Variants in PRKN observed in about 807,000 individuals in gnomAD.
PRKN encodes parkin RBR E3 ubiquitin protein ligase.
In PRKN, 56 loss-of-function variants were observed where a neutral mutation model predicts 59.5. The observed-to-expected ratio is 0.94, with a 90% CI of 0.76 to 1.18. The LOEUF is 1.18. Among genes scored for constraint, PRKN ranks in the 50% most tolerant of loss-of-function variants. The pLI is 0.00. For missense variants in PRKN, 657 were observed against 596.4 expected (o/e 1.10, Z -1.06); for synonymous variants, 250 against 222.1 (o/e 1.13, Z -1.12).
At chr6:161,961,514 T>G (rs1025113660) in intron 6 of PRKN, among the ~76,000 whole-genome samples, 1 of 152,192 alleles carries the variant, frequency 6.6e-6, no homozygotes, top group Non-Finnish European at 1.5e-5. Flanking sequence ...TGGGGAAAAC[T>G]TAGCCTAAAG....
chr6:162,292,189 C>G lies in PRKN; in HGVS notation c.172-29424G>C, dbSNP rs191560970. On this transcript the variant is annotated intron_variant, in intron 2 of 11. Transcript: ENST00000366898. ...ACATTGACCAGGCTAGTCTCCAACT[C>G]CTGACCTCAGGTGATCTGCCCACCT... Among the ~76,000 whole-genome samples the G allele has an allele frequency of 2.6e-5, 4 of 152,164 alleles. No homozygotes were observed. In the East Asian group the frequency reaches 7.8e-4, roughly 30 times the overall value.
At chr6:162,068,080 T>C (rs1217242854) in intron 4 of PRKN, among the ~76,000 whole-genome samples, 1 of 152,176 alleles carries the variant, frequency 6.6e-6, no homozygotes. Flanking sequence ...AGTAACTACA[T>C]TTACTAATTA....
At chr6:162,007,104 A>AT (rs1182395482) in intron 5 of PRKN, among the ~76,000 whole-genome samples, 2 of 152,320 alleles carry the variant, frequency 1.3e-5, no homozygotes, top group Admixed American at 1.3e-4. Context: ...GAAAATGAGC[A>AT]TTTAAAAAAA....
chr6:161,771,022 C>T (rs796282832), intron 7 of PRKN, among the ~76,000 whole-genome samples: 12 of 152,152 alleles, frequency 7.9e-5, no homozygotes, highest in African/African-American at 2.2e-4. Context: ...TTAAGCCACC[C>T]GGGCTGCGGT....
intron 5 of PRKN, among the ~76,000 whole-genome samples, 165 bp from the exon 6 acceptor site, chr6:161,973,582 G>A (rs1052228280): frequency 6.6e-6 from 1 of 152,182 alleles, no homozygotes; most frequent in Admixed American, 6.5e-5. Context: ...GGATGACCTT[G>A]TGCCAAAGTG....
chr6:162,536,303 G>A (rs959005994), intron 1 of PRKN, among the ~76,000 whole-genome samples: 2 of 152,080 alleles, frequency 1.3e-5, no homozygotes, highest in African/African-American at 2.4e-5. Flanking sequence ...AGCAGAAGGT[G>A]TTATTTTCTA....
chr6:161,848,139 G>T (rs1332291000), intron 6 of PRKN, among the ~76,000 whole-genome samples: 1 of 152,182 alleles, frequency 6.6e-6, no homozygotes, highest in East Asian at 1.9e-4. Flanking sequence ...ATTAGCATTT[G>T]TGAAAGTCAA....
rs1785472647 is a variant in PRKN, at chr6:161,372,300, G to C, written c.1168-12095C>G. On this transcript the variant is annotated intron_variant, in intron 10 of 11. Coordinates refer to ENST00000366898, the MANE Select transcript of PRKN (RefSeq NM_004562.3). This position sits in a 1 kb window ranked among gnomAD's most constrained non-coding sequence, Gnocchi z 4.2. ...ATTCTCTAGTTTTTGGTTGGCTTAG[G>C]TCAGCAGTGACCAAAATTATCCACA... Among the ~76,000 whole-genome samples the C allele has an allele frequency of 1.3e-5, 2 of 152,306 alleles. No individual in the cohort carries two copies. The highest frequency in any genetic ancestry group is 1.9e-4 in the East Asian group (1 of 5,190).
At chr6:162,331,826 G>C (rs1783590960) in intron 2 of PRKN, among the ~76,000 whole-genome samples, 1 of 152,026 alleles carries the variant, frequency 6.6e-6, no homozygotes, top group Non-Finnish European at 1.5e-5. Flanking sequence ...GTAGCGGTGG[G>C]GTTATTGTCT....
At chr6:161,796,233 C>A (rs1042247966) in intron 6 of PRKN, among the ~76,000 whole-genome samples, 2 of 152,148 alleles carry the variant, frequency 1.3e-5, no homozygotes, top group Non-Finnish European at 2.9e-5. Flanking sequence ...TATTGCATTT[C>A]TAAATATAAT....
chr6:161,816,649 C>A (rs985555923), intron 6 of PRKN, among the ~76,000 whole-genome samples: 24 of 151,878 alleles, frequency 1.6e-4, no homozygotes, highest in Admixed American at 5.3e-4. Context: ...TGTGTTCACA[C>A]CCCAGGAGTT....
intron 1 of PRKN, among the ~76,000 whole-genome samples, chr6:162,507,032 G>A (rs1793641870): frequency 6.6e-6 from 1 of 152,094 alleles, no homozygotes; most frequent in Non-Finnish European, 1.5e-5. Context: ...AAAAGACCTG[G>A]GTTCTTCTGA....
chr6:162,340,703 T>G (rs1197239699), intron 2 of PRKN, among the ~76,000 whole-genome samples: 1 of 152,100 alleles, frequency 6.6e-6, no homozygotes, highest in South Asian at 2.1e-4. Flanking sequence ...TAATAAACGG[T>G]GTTGGGAAAA....
At chr6:161,585,933 G>A (rs1350993831) in intron 7 of PRKN, among the ~76,000 whole-genome samples, 1 of 152,080 alleles carries the variant, frequency 6.6e-6, no homozygotes, top group Non-Finnish European at 1.5e-5. Flanking sequence ...TTAAGATCAT[G>A]TTCTCAGTCT....
intron 7 of PRKN, among the ~76,000 whole-genome samples, chr6:161,721,628 G>C (rs535696407): frequency 6.6e-6 from 1 of 152,126 alleles, no homozygotes; most frequent in South Asian, 2.1e-4. Context: ...GGATTTTATG[G>C]ACGCACCTGT....
At chr6:161,956,891 T>C (rs1221566019) in intron 6 of PRKN, among the ~76,000 whole-genome samples, 2 of 152,226 alleles carry the variant, frequency 1.3e-5, no homozygotes, top group African/African-American at 2.4e-5. Context: ...TATTAGTGAT[T>C]TGAAAGGCCA....
intron 2 of PRKN, among the ~76,000 whole-genome samples, chr6:162,391,185 C>A (rs554304251): frequency 6.6e-6 from 1 of 152,292 alleles, no homozygotes; most frequent in South Asian, 2.1e-4. Flanking sequence ...TCTTACTACG[C>A]ATGCTTGACA....
chr6:162,594,161 A>C (rs1044562710), intron 1 of PRKN, among the ~76,000 whole-genome samples: 25 of 152,210 alleles, frequency 1.6e-4, no homozygotes, highest in East Asian at 5.8e-4. Flanking sequence ...AACAAACAAA[A>C]AAAAAACTAC....
intron 8 of PRKN, among the ~76,000 whole-genome samples, chr6:161,553,212 CAG>C (rs552089362): frequency 1.3e-5 from 2 of 151,282 alleles, no homozygotes; most frequent in South Asian, 4.3e-4. Context: ...ATGTGACCTA[CAG>C]AGTTTCCCAG....
Sources: allele counts gnomAD v4.1 joint callset (sites outside exome capture counted in the v4.1 genomes callset), GRCh38; gene constraint gnomAD v4.1.1; non-coding constraint Gnocchi (gnomAD v3.1); transcripts MANE v1.5; gene names NCBI Gene and HGNC (gene_info 2026-07-23, HGNC 2026-07-21).